Variants in STXBP5 observed in about 807,000 individuals in gnomAD.
The protein encoded by STXBP5 is syntaxin-binding protein 5.
Under a neutral mutation model 152.4 loss-of-function variants are expected in STXBP5, and 50 were observed. That is an observed-to-expected ratio of 0.33 (90% CI 0.26 to 0.42). The LOEUF is 0.42. STXBP5 is among the 10% of genes least tolerant of loss of function. STXBP5 has a pLI of 1.00. For missense variants in STXBP5, 1,167 were observed against 1,388.6 expected, an observed-to-expected ratio of 0.84 and a Z score of 2.54; for synonymous variants, 492 against 494.7, an observed-to-expected ratio of 0.99 and a Z score of 0.07.
In STXBP5 at chr6:147,239,106, A is replaced by G; in HGVS notation, c.331-64A>G. On this transcript the variant is annotated intron_variant, in intron 3 of 27. Transcript: ENST00000321680. ...TGGGAAGGAGATATTTCTGGCAGCT[A>G]TTGAGTAGACTTCATGTTTATAAAA... 6.4e-6 allele frequency: 9 copies of G among 1,412,086 alleles called. No individual in the cohort carries two copies. The South Asian group carries it at 6.7e-5, about 11-fold the overall frequency. 87.5% of individuals were successfully genotyped at this position (1,412,086 alleles called of 1,614,324 possible).
At chr6:147,218,409 A>G (rs1447623748) in intron 2 of STXBP5, among the ~76,000 whole-genome samples, 1 of 152,212 alleles carries the variant, frequency 6.6e-6, no homozygotes, top group East Asian at 1.9e-4. Context: ...AATTTCAAAT[A>G]ATTTCAAATT....
At chr6:147,362,883 G>T (rs910224857) in intron 23 of STXBP5, among the ~76,000 whole-genome samples, 5 of 152,112 alleles carry the variant, frequency 3.3e-5, no homozygotes, top group African/African-American at 9.7e-5. Flanking sequence ...CTCACCATGC[G>T]CTGCAGTTGT....
intron 13 of STXBP5, 29 bp from the exon 14 acceptor site, chr6:147,314,567 C>T (rs1314545574): frequency 1.2e-6 from 2 of 1,601,312 alleles, no homozygotes; most frequent in Non-Finnish European, 1.7e-6. Flanking sequence ...TAATTTTATT[C>T]ATCACATTCT....
At chr6:147,258,635 G>T (rs577877) in intron 4 of STXBP5, among the ~76,000 whole-genome samples, 2 of 151,756 alleles carry the variant, frequency 1.3e-5, no homozygotes, top group Non-Finnish European at 2.9e-5. Flanking sequence ...GGGTTTCACC[G>T]TGTTAGCCAG....
At chr6:147,325,767 T>C (rs939970872) in intron 17 of STXBP5, among the ~76,000 whole-genome samples, 1 of 152,178 alleles carries the variant, frequency 6.6e-6, no homozygotes, top group Non-Finnish European at 1.5e-5. Flanking sequence ...TAGGGACTCA[T>C]TCATTTTTTT....
chr6:147,227,501 A>G (rs1777778615), intron 2 of STXBP5, among the ~76,000 whole-genome samples: 1 of 152,176 alleles, frequency 6.6e-6, no homozygotes, highest in Admixed American at 6.5e-5. Context: ...GCCTTGATAA[A>G]TGAGCATTTG....
intron 18 of STXBP5, among the ~76,000 whole-genome samples, chr6:147,331,266 A>G (rs1783553841): frequency 6.6e-6 from 1 of 152,262 alleles, no homozygotes; most frequent in African/African-American, 2.4e-5. Flanking sequence ...GTAACAACTC[A>G]AAAAGATAAT....
rs780794214 is a variant in STXBP5 at position 147,316,242 on chromosome 6, G to A, written c.1637G>A (p.Arg546Gln). The A allele has an allele frequency of 1.8e-5, 29 of 1,613,582 alleles. No individual in the cohort carries two copies. Among genetic ancestry groups the A allele is most frequent in the Non-Finnish European group, 2.4e-5 (28 of 1,179,876 alleles). Residue 546 changes from arginine to glutamine, a missense_variant, in exon 16 of 28, where the codon CGA (arginine) becomes CAA (glutamine). Coordinates refer to ENST00000321680, the MANE Select transcript of STXBP5 (RefSeq NM_001127715.4). ...CTTTTACAACAGATGCTTGAAGTTC[G>A]ATTATTATATGAGATAAATGATGTG... ...ITEVIPMLEV[R>Q]LLYEINDVET...
chr6:147,327,996 G>A (rs1783357019), intron 18 of STXBP5, among the ~76,000 whole-genome samples: 1 of 152,112 alleles, frequency 6.6e-6, no homozygotes, highest in African/African-American at 2.4e-5. Context: ...TTATTTCTTT[G>A]AAAATATACC....
chr6:147,286,480 CTGAT>C (rs1314092061), intron 8 of STXBP5, among the ~76,000 whole-genome samples: 1 of 152,102 alleles, frequency 6.6e-6, no homozygotes, highest in East Asian at 1.9e-4. Context: ...CAAAACTCAT[CTGAT>C]TGTACACTTT....
chr6:147,377,888 A>G (rs1231410901), intron 26 of STXBP5, among the ~76,000 whole-genome samples: 1 of 152,206 alleles, frequency 6.6e-6, no homozygotes, highest in Non-Finnish European at 1.5e-5. Flanking sequence ...ACGAAGCACG[A>G]AAAAAGAAAT....
intron 11 of STXBP5, among the ~76,000 whole-genome samples, chr6:147,311,793 CCACA>C (rs1454606141): frequency 1.3e-5 from 2 of 152,036 alleles, no homozygotes; most frequent in African/African-American, 4.8e-5. Context: ...TATCCTGGGG[CCACA>C]CAAAATCAGC....
intron 9 of STXBP5, among the ~76,000 whole-genome samples, chr6:147,309,671 G>C (rs62435630): frequency 0.49 from 74,486 of 151,704 alleles, 18,614 homozygotes; most frequent in Middle Eastern, 0.57. Flanking sequence ...ATGCGTTCTT[G>C]AGAATTTAAT....
At chr6:147,349,888 A>T (rs1489096699) in intron 21 of STXBP5, among the ~76,000 whole-genome samples, 2 of 152,216 alleles carry the variant, frequency 1.3e-5, no homozygotes, top group Non-Finnish European at 2.9e-5. Context: ...AATTAACACA[A>T]GTAACAAAAG....
intron 7 of STXBP5, among the ~76,000 whole-genome samples, chr6:147,273,825 A>G (rs547832420): frequency 4.0e-4 from 61 of 152,016 alleles, no homozygotes; most frequent in Non-Finnish European, 7.7e-4. Context: ...GGTGGTGGGC[A>G]CCTGTAGTCC....
intron 22 of STXBP5, among the ~76,000 whole-genome samples, 177 bp downstream of exon 22, chr6:147,353,550 T>C (rs1784683649): frequency 6.6e-6 from 1 of 152,160 alleles, no homozygotes; most frequent in Non-Finnish European, 1.5e-5. Context: ...AAATTTAAAA[T>C]GACAATTATA....
In STXBP5 at chr6:147,285,563, A is replaced by C. The variant is rs145996369; in HGVS notation, c.839-5531A>C. 5.5e-3 allele frequency among the ~76,000 whole-genome samples: 831 copies of C among 152,062 alleles called. 5 individuals carry two copies. Among genetic ancestry groups the C allele is most frequent in the African/African-American group, 0.019 (776 of 41,528 alleles). ...GCAACATTTTTCATTTACAGAGAAAATGAAACTACTCTATTAACATCCTCT... is the reference window on the plus strand; with the variant it reads ...GCAACATTTTTCATTTACAGAGAAACTGAAACTACTCTATTAACATCCTCT... On this transcript the variant is annotated intron_variant, in intron 8 of 27. Transcript: ENST00000321680.
At chr6:147,277,451 A>G (rs947773523) in intron 7 of STXBP5, among the ~76,000 whole-genome samples, 22 of 152,204 alleles carry the variant, frequency 1.4e-4, no homozygotes, top group Admixed American at 1.2e-3. Flanking sequence ...ATAATATTAG[A>G]GCAAAAAAAT....
At chr6:147,359,416 T>C in intron 23 of STXBP5, 93 bp downstream of exon 23, 1 of 1,463,032 alleles carries the variant, frequency 6.8e-7, no homozygotes, top group Non-Finnish European at 9.1e-7. Context: ...ATCTAAGAAT[T>C]CCAAAATGTA....
Sources: gnomAD v4.1 joint callset for allele counts (sites outside exome capture counted in the v4.1 genomes callset) on GRCh38, gnomAD v4.1.1 for gene constraint, MANE v1.5 for transcripts, NCBI Gene and HGNC (gene_info 2026-07-23, HGNC 2026-07-21) for gene names.